RALGDS: variants seen among roughly 807,000 people sequenced by gnomAD.
The protein encoded by RALGDS is ral guanine nucleotide exchange factor.
Under a neutral mutation model 99.8 loss-of-function variants are expected in RALGDS, and 44 were observed. The ratio of observed to expected loss-of-function variants is 0.44; its 90% CI spans 0.35 to 0.57. RALGDS has a LOEUF of 0.57. Among genes scored for constraint, RALGDS ranks in the 20% least tolerant of loss-of-function variants. The pLI is 0.01. For missense variants in RALGDS, 1,022 were observed against 1,203.1 expected, an observed-to-expected ratio of 0.85 and a Z score of 2.23; for synonymous variants, 529 against 505.0, an observed-to-expected ratio of 1.05 and a Z score of -0.64.
intron 3 of RALGDS, 22 bp from the exon 4 acceptor site, chr9:133,109,743 ACTGT>A: frequency 6.3e-7 from 1 of 1,597,518 alleles, no homozygotes; most frequent in Non-Finnish European, 8.6e-7. Flanking sequence ...GTCTAGTGTT[ACTGT>A]CTGACTCTCC....
chr9:133,147,948 A>T (rs1832652435), intron 1 of RALGDS, among the ~76,000 whole-genome samples: 2 of 152,060 alleles, frequency 1.3e-5, no homozygotes. Context: ...CTCTGGCCCC[A>T]CTTCCAAATA....
chr9:133,147,821 G>A (rs1213008984), intron 1 of RALGDS, among the ~76,000 whole-genome samples: 1 of 152,190 alleles, frequency 6.6e-6, no homozygotes, highest in Non-Finnish European at 1.5e-5. Context: ...AGAACCTGCA[G>A]GCTCCAGGGG....
chr9:133,137,138 C>T lies in RALGDS; in HGVS notation c.18+11825G>A, dbSNP rs534763956. Among the ~76,000 whole-genome samples, 55 of 151,720 alleles carry T rather than the reference C, an allele frequency of 3.6e-4. No individual in the cohort carries two copies. In the Middle Eastern group the frequency reaches 0.01, roughly 28 times the overall value. ...GTCCCAGCTACTCGGGAGGCTGAAG[C>T]GGGAGAACCACTTGAACCCGGGAGG... On this transcript the variant is annotated intron_variant, in intron 1 of 17. Coordinates refer to the RALGDS transcript ENST00000393160.
chr9:133,135,866 A>G (rs1564253321), upstream of RALGDS, among the ~76,000 whole-genome samples: 3 of 152,252 alleles, frequency 2.0e-5, no homozygotes, highest in East Asian at 3.8e-4. Context: ...TCTGCAGGGA[A>G]GAACCAGAGT....
chr9:133,116,526 C>T (rs1831616698), intron 1 of RALGDS, among the ~76,000 whole-genome samples: 1 of 152,268 alleles, frequency 6.6e-6, no homozygotes, highest in Non-Finnish European at 1.5e-5. Flanking sequence ...CTTGGGCATC[C>T]AGGGTCCCTG....
At chr9:133,120,438 C>CCCG (rs1554742352) in intron 1 of RALGDS, among the ~76,000 whole-genome samples, 6 of 143,200 alleles carry the variant, frequency 4.2e-5, no homozygotes, top group Middle Eastern at 3.6e-3. Context: ...ACCCCCCCCC[C>CCCG]ACCCCGCTCT....
chr9:133,137,732 G>A (rs532655687), intron 1 of RALGDS, among the ~76,000 whole-genome samples: 2 of 152,200 alleles, frequency 1.3e-5, no homozygotes, highest in Non-Finnish European at 2.9e-5. Context: ...CGGTGGAGGC[G>A]GTGGTAGGTG....
intron 1 of RALGDS, among the ~76,000 whole-genome samples, chr9:133,140,461 A>C (rs1271249040): frequency 1.3e-5 from 2 of 151,784 alleles, no homozygotes; most frequent in Non-Finnish European, 2.9e-5. Context: ...AGATGGGCAC[A>C]CCTGACCTCT....
In RALGDS at chr9:133,102,115, G is replaced by T. The variant is rs772631258; in HGVS notation, c.2034C>A (p.Leu678=). 21 of 1,573,262 alleles carry T rather than the reference G, an allele frequency of 1.3e-5. No individual in the cohort carries two copies. Among genetic ancestry groups the T allele is most frequent in the Non-Finnish European group, 1.8e-5 (21 of 1,158,604 alleles). Reference sequence around the variant, plus strand: ...TGGAGTGGGAGCTGCCACTGGTACTGAGCTCAGTGCTGGGGGCCTGGCGGC... The same window carrying T: ...TGGAGTGGGAGCTGCCACTGGTACTTAGCTCAGTGCTGGGGGCCTGGCGGC... ...WSDRQAPSTE[L]STSGSSHSKS... The change falls in exon 15 of 18, where the codon CTC becomes CTA. Residue 678 remains leucine (L), a synonymous_variant. Transcript: ENST00000372050.
rs532494418 is a variant in RALGDS, at chr9:133,101,339, C to G, written c.2454+181G>C. ...TTTGCACGGCTGCTCCTTTCCTCCC[C>G]CTCTGCCCTCAGGCCAGCCTTGTCC... is the stretch of plus-strand genomic sequence containing the variant. On this transcript the variant is annotated intron_variant, in intron 16 of 17. Transcript: ENST00000372050. 1,609 of 1,473,958 alleles carry G rather than the reference C, an allele frequency of 1.1e-3. 1 individual carries two copies. Among genetic ancestry groups the G allele is most frequent in the Non-Finnish European group, 1.3e-3 (1,425 of 1,074,834 alleles). The allele number at this position is 1,473,958 out of a possible 1,614,324, so 91.3% of individuals were successfully genotyped here. A position where few individuals can be genotyped will look rare whatever the true frequency, so the allele number is the denominator to read the frequency against.
chr9:133,101,293 G>A (rs775803157), intron 16 of RALGDS: 20 of 1,372,440 alleles, frequency 1.5e-5, no homozygotes, highest in Middle Eastern at 1.8e-4. Context: ...CTACAGCACC[G>A]CCCCTTCAGC....
At position 133,106,755 on chromosome 9, in the gene RALGDS, C is replaced by T. The variant is rs187420525; in HGVS notation, c.1414-7G>A. The T allele has an allele frequency of 9.8e-4, 1,561 of 1,599,630 alleles. 2 individuals are homozygous for T. The highest frequency in any genetic ancestry group is 2.6e-3 in the Admixed American group (156 of 59,572). ...TCTTGAGGATCCGGCACTCCTGGGG[C>T]GGGAAGAGCAGGAGGCATGAGGTGG... On this transcript the variant is annotated splice_polypyrimidine_tract_variant and splice_region_variant and intron_variant, in intron 7 of 17. Coordinates refer to ENST00000372050, the MANE Select transcript of RALGDS (RefSeq NM_006266.4).
intron 1 of RALGDS, chr9:133,129,315 C>A (rs1832262765): frequency 6.3e-7 from 1 of 1,581,906 alleles, no homozygotes; most frequent in Non-Finnish European, 8.5e-7. Context: ...GCTTCCCGGG[C>A]CATGGTGGGG....
At chr9:133,101,373 T>C (rs958794966) in intron 16 of RALGDS, 147 bp downstream of exon 16, 9 of 1,545,180 alleles carry the variant, frequency 5.8e-6, no homozygotes, top group Non-Finnish European at 7.9e-6. Flanking sequence ...CCCTGATCAC[T>C]ACCTTCTTCA....
chr9:133,131,438 C>A (rs1452703956), upstream of RALGDS, among the ~76,000 whole-genome samples: 1 of 152,054 alleles, frequency 6.6e-6, no homozygotes, highest in Admixed American at 6.5e-5. Context: ...GAAGAGAATC[C>A]CAAGTCCTCA....
intron 17 of RALGDS, chr9:133,099,581 T>C (rs1462834344): frequency 1.9e-5 from 3 of 154,136 alleles, no homozygotes; most frequent in Admixed American, 6.4e-5. Context: ...CATGCATATA[T>C]ATACACACAC....
At position 133,102,802 on chromosome 9, in the gene RALGDS, C is replaced by G. The variant is rs1445077844; in HGVS notation, c.1890G>C (p.Val630=). 1.2e-6 allele frequency: 2 copies of G among 1,612,974 alleles called. No homozygotes were observed. The highest frequency in any genetic ancestry group is 1.7e-6 in the Non-Finnish European group (2 of 1,179,964). The change falls in exon 13 of 18, where the codon GTG becomes GTC. Residue 630 remains valine, a synonymous_variant. Coordinates refer to ENST00000372050, the MANE Select transcript of RALGDS (RefSeq NM_006266.4). The part of the protein sequence containing the change: ...DEQFGAWFRA[V]ERLSETESYN... ...ACCTCTCAGTCTCGCTGAGCCGCTC[C>G]ACGGCCCGGAACCAGGCCCCAAATT...
chr9:133,103,024 C>CA, intron 12 of RALGDS, 124 bp from the exon 13 acceptor site: 2 of 1,481,022 alleles, frequency 1.4e-6, no homozygotes, highest in Non-Finnish European at 9.2e-7. Context: ...TTCCTGTTCT[C>CA]AAAGTTGGGC....
chr9:133,119,221 C>T (rs1012736370), intron 1 of RALGDS, among the ~76,000 whole-genome samples: 3 of 152,306 alleles, frequency 2.0e-5, no homozygotes, highest in Admixed American at 6.5e-5. Flanking sequence ...GGACCAAGTG[C>T]GCAGCGTCAG....
Sources: allele counts gnomAD v4.1 joint callset (sites outside exome capture counted in the v4.1 genomes callset), GRCh38; gene constraint gnomAD v4.1.1; transcripts MANE v1.5; gene names NCBI Gene and HGNC (gene_info 2026-07-23, HGNC 2026-07-21).